Variants in THSD7B observed in about 807,000 individuals in gnomAD.
THSD7B encodes thrombospondin type 1 domain containing 7B, also known as thrombospondin type-1 domain-containing protein 7B.
THSD7B carries 138 observed loss-of-function variants against 213.6 expected under a neutral mutation model. The ratio of observed to expected loss-of-function variants is 0.65; its 90% confidence interval spans 0.56 to 0.74. The LOEUF (loss-of-function observed/expected upper bound fraction) is 0.74. THSD7B is among the 30% of genes least tolerant of loss of function. THSD7B has a pLI of 0.00. For synonymous variants in THSD7B, 742 were observed against 687.0 expected (o/e 1.08, Z -1.25); for missense variants, 1,931 against 1,991.5 (o/e 0.97, Z 0.58).
intron 14 of THSD7B, among the ~76,000 whole-genome samples, chr2:137,429,655 T>A (rs1687132243): frequency 6.6e-6 from 1 of 152,216 alleles, no homozygotes; most frequent in Non-Finnish European, 1.5e-5. Context: ...TTAGGTTTTA[T>A]AAACAGCGTC....
chr2:137,538,030 A>T (rs1680538694), intron 15 of THSD7B, among the ~76,000 whole-genome samples: 1 of 151,742 alleles, frequency 6.6e-6, no homozygotes, highest in Non-Finnish European at 1.5e-5. Flanking sequence ...GTGTCATGGG[A>T]TCCACATTCC....
chr2:137,464,882 T>C (rs968471518), intron 15 of THSD7B, among the ~76,000 whole-genome samples: 2 of 152,090 alleles, frequency 1.3e-5, no homozygotes, highest in African/African-American at 4.8e-5. Flanking sequence ...TAGATATGTA[T>C]GTTCAGTCGC....
At chr2:136,822,534 C>T (rs1267536491) in intron 1 of THSD7B, among the ~76,000 whole-genome samples, 2 of 152,138 alleles carry the variant, frequency 1.3e-5, no homozygotes, top group African/African-American at 4.8e-5. Context: ...CATTATTTTC[C>T]CCATTTTACA....
intron 2 of THSD7B, among the ~76,000 whole-genome samples, chr2:136,971,639 TACACACACACACACAC>T (rs6146927): frequency 7.4e-6 from 1 of 135,306 alleles, no homozygotes; most frequent in Non-Finnish European, 1.6e-5. Context: ...CAACAACAAA[TACACACACACACACAC>T]ACACACACAC....
chr2:136,971,613 A>T (rs576379), intron 2 of THSD7B, among the ~76,000 whole-genome samples: 1 of 148,500 alleles, frequency 6.7e-6, no homozygotes, highest in Admixed American at 6.7e-5. Flanking sequence ...ACACAAATAC[A>T]AAGTCACTGG....
chr2:137,490,817 A>G (rs1688589710), intron 15 of THSD7B, among the ~76,000 whole-genome samples: 1 of 152,232 alleles, frequency 6.6e-6, no homozygotes, highest in Non-Finnish European at 1.5e-5. Context: ...AAGTTGTCCA[A>G]AAAAATCTTT....
At chr2:137,313,111 A>T (rs977581952) in intron 12 of THSD7B, among the ~76,000 whole-genome samples, 4 of 151,966 alleles carry the variant, frequency 2.6e-5, no homozygotes, top group African/African-American at 9.7e-5. Context: ...GTGGGGTGTT[A>T]AAGTCTCCCA....
intron 15 of THSD7B, among the ~76,000 whole-genome samples, chr2:137,557,878 G>T (rs1441360064): frequency 1.3e-5 from 2 of 152,040 alleles, no homozygotes; most frequent in Non-Finnish European, 2.9e-5. Context: ...AATGATAAGG[G>T]ATATCACCAC....
chr2:137,218,196 T>C lies in THSD7B; in HGVS notation c.1724-12848T>C, dbSNP rs186135391. The stretch of plus-strand genomic sequence containing the variant: ...TGGACATGTTTCTTTTTTATTTTAA[T>C]GCAGAGGAAAAAGGAGTACATGTAT... On this transcript the variant is annotated intron_variant, in intron 7 of 27. Transcript: ENST00000409968. Among the ~76,000 whole-genome samples the C allele has an allele frequency of 4.4e-4, 67 of 152,256 alleles. No homozygotes were observed. In the East Asian group the frequency reaches 0.012, roughly 27 times the overall value.
At chr2:137,287,653 C>T (rs1252887519) in intron 12 of THSD7B, among the ~76,000 whole-genome samples, 1 of 152,100 alleles carries the variant, frequency 6.6e-6, no homozygotes, top group African/African-American at 2.4e-5. Context: ...CTGTGCCAGC[C>T]TCCCATTTTT....
intron 5 of THSD7B, among the ~76,000 whole-genome samples, chr2:137,142,165 A>G (rs770699430): frequency 2.3e-4 from 35 of 152,320 alleles, no homozygotes; most frequent in Admixed American, 5.9e-4. Context: ...TATAATAGAC[A>G]GAAATTTATT....
At chr2:137,486,799 G>A (rs1688457314) in intron 15 of THSD7B, among the ~76,000 whole-genome samples, 1 of 152,144 alleles carries the variant, frequency 6.6e-6, no homozygotes, top group Admixed American at 6.5e-5. Context: ...CTGTCTCTCA[G>A]ACCACAGTGC....
chr2:137,021,723 TG>T (rs768546610), intron 2 of THSD7B, among the ~76,000 whole-genome samples: 28 of 152,316 alleles, frequency 1.8e-4, no homozygotes, highest in Non-Finnish European at 3.7e-4. Flanking sequence ...GTCCCTCATG[TG>T]CCTGTTTATA....
At chr2:137,303,680 A>G (rs1236284997) in intron 12 of THSD7B, among the ~76,000 whole-genome samples, 1 of 126,506 alleles carries the variant, frequency 7.9e-6, no homozygotes, top group African/African-American at 3.3e-5. Flanking sequence ...ATTAATATAT[A>G]TATTTATATA....
intron 2 of THSD7B, among the ~76,000 whole-genome samples, chr2:136,906,965 T>TTTTTTTTTTTTTTTTA (rs1491028452): frequency 9.7e-6 from 1 of 102,598 alleles, no homozygotes; most frequent in Non-Finnish European, 1.9e-5. Context: ...TTTTTTTTTT[T>TTTTTTTTTTTTTTTTA]AGAGGGTCTG....
At chr2:137,552,712 G>A (rs1045455014) in intron 15 of THSD7B, among the ~76,000 whole-genome samples, 1 of 152,202 alleles carries the variant, frequency 6.6e-6, no homozygotes, top group African/African-American at 2.4e-5. Flanking sequence ...ATGAATGCAT[G>A]GTTGATAAAA....
chr2:137,663,616 G>T, intron 26 of THSD7B, 41 bp downstream of exon 26: 1 of 1,533,584 alleles, frequency 6.5e-7, no homozygotes, highest in South Asian at 1.3e-5. Context: ...ATTTTCTCAT[G>T]GGAGGTCTAT....
At chr2:137,673,071 T>G (rs560689291) in intron 27 of THSD7B, among the ~76,000 whole-genome samples, 4 of 152,192 alleles carry the variant, frequency 2.6e-5, no homozygotes, top group Admixed American at 2.0e-4. Flanking sequence ...CAAAGGCTTG[T>G]CTCTCACAAA....
chr2:137,638,778 C>G (rs545860778), intron 20 of THSD7B, among the ~76,000 whole-genome samples: 1 of 152,116 alleles, frequency 6.6e-6, no homozygotes, highest in Non-Finnish European at 1.5e-5. Flanking sequence ...AAAGGTGACT[C>G]TTGTTATGTT....
Sources: allele counts gnomAD v4.1 joint callset (sites outside exome capture counted in the v4.1 genomes callset), GRCh38; gene constraint gnomAD v4.1.1; transcripts MANE v1.5; gene names NCBI Gene and HGNC (gene_info 2026-07-23, HGNC 2026-07-21).